Variants in SKAP1 observed in about 807,000 individuals in gnomAD.
SKAP1 encodes src kinase-associated phosphoprotein 1.
SKAP1 carries 44 observed loss-of-function variants against 58.5 expected under a neutral mutation model. The ratio of observed to expected loss-of-function variants is 0.75; its 90% CI spans 0.59 to 0.97. The LOEUF is 0.97. SKAP1 is among the 50% of genes least tolerant of loss of function. The pLI, the probability that SKAP1 is intolerant of heterozygous loss-of-function variation, is 0.00. For synonymous variants in SKAP1, 127 were observed against 149.7 expected (o/e 0.85, Z 1.11); for missense variants, 390 against 435.2 (o/e 0.90, Z 0.92).
intron 1 of SKAP1, among the ~76,000 whole-genome samples, chr17:48,422,009 G>A (rs915348511): frequency 7.2e-5 from 11 of 152,156 alleles, no homozygotes; most frequent in East Asian, 5.8e-4. Flanking sequence ...CCAAGAGATC[G>A]AGACCATCCT....
intron 4 of SKAP1, among the ~76,000 whole-genome samples, chr17:48,313,324 T>C (rs2066248480): frequency 6.6e-6 from 1 of 152,156 alleles, no homozygotes; most frequent in African/African-American, 2.4e-5. Context: ...TTGACCTAAT[T>C]ACCTGATACA....
intron 4 of SKAP1, among the ~76,000 whole-genome samples, chr17:48,297,674 C>T (rs548236773): frequency 2.6e-5 from 4 of 152,218 alleles, no homozygotes; most frequent in Admixed American, 6.5e-5. Context: ...AAACTAAAGT[C>T]AAAACCAAGC....
At chr17:48,218,766 C>T (rs1359461427) in intron 4 of SKAP1, among the ~76,000 whole-genome samples, 7 of 152,120 alleles carry the variant, frequency 4.6e-5, no homozygotes, top group African/African-American at 1.4e-4. Context: ...AATACTTGGG[C>T]CTCTAATATC....
chr17:48,234,221 CAATT>C (rs1297895101), intron 4 of SKAP1, among the ~76,000 whole-genome samples: 1 of 152,146 alleles, frequency 6.6e-6, no homozygotes, highest in Non-Finnish European at 1.5e-5. Flanking sequence ...AAAAATAACA[CAATT>C]AACTTGATGT....
chr17:48,185,147 A>G lies in SKAP1; in HGVS notation c.443-300T>C, dbSNP rs909044841. On this transcript the variant is annotated intron_variant, in intron 6 of 12. Coordinates refer to ENST00000336915, the MANE Select transcript of SKAP1 (RefSeq NM_003726.4). Reference sequence around the variant, plus strand: ...AACAACAGAAAGAAGGAATTATTACAGCAGAGAGAGTGTGGCTGTAAATGT... The same window carrying G: ...AACAACAGAAAGAAGGAATTATTACGGCAGAGAGAGTGTGGCTGTAAATGT... The G allele has an allele frequency of 4.8e-5, 13 of 271,472 alleles. No individual in the cohort carries two copies. The Admixed American group carries it at 6.4e-4, about 13-fold the overall frequency. The allele number at this position is 271,472 out of a possible 1,614,324, so 16.8% of individuals were successfully genotyped here.
chr17:48,231,195 C>G (rs1026651449), intron 4 of SKAP1, among the ~76,000 whole-genome samples: 1 of 152,182 alleles, frequency 6.6e-6, no homozygotes, highest in Non-Finnish European at 1.5e-5. Flanking sequence ...CCTGTTTCAC[C>G]AGATATCAGA....
intron 4 of SKAP1, among the ~76,000 whole-genome samples, chr17:48,201,757 G>T (rs1438893931): frequency 1.3e-5 from 2 of 152,126 alleles, no homozygotes; most frequent in African/African-American, 4.8e-5. Context: ...AATTCTGTTT[G>T]CCTTGGACCT....
chr17:48,210,391 A>T (rs2064857798), intron 4 of SKAP1, among the ~76,000 whole-genome samples: 1 of 152,182 alleles, frequency 6.6e-6, no homozygotes, highest in Non-Finnish European at 1.5e-5. Context: ...TTCTATGAGT[A>T]GTTCTGATGC....
At chr17:48,278,262 A>G (rs1331140866) in intron 4 of SKAP1, among the ~76,000 whole-genome samples, 1 of 152,138 alleles carries the variant, frequency 6.6e-6, no homozygotes, top group East Asian at 1.9e-4. Context: ...CTCTCTTCAC[A>G]TTTGAATTTT....
chr17:48,351,274 G>C (rs573575215), intron 3 of SKAP1, among the ~76,000 whole-genome samples: 30 of 152,238 alleles, frequency 2.0e-4, no homozygotes, highest in African/African-American at 7.2e-4. Context: ...TCATGCATTA[G>C]AAAATGTACT....
chr17:48,352,016 G>A (rs1394915865), intron 3 of SKAP1, among the ~76,000 whole-genome samples: 1 of 150,368 alleles, frequency 6.7e-6, no homozygotes, highest in East Asian at 1.9e-4. Context: ...GACCAGTAGG[G>A]TGAGCTGTAG....
At chr17:48,134,072 A>T (rs1243338116) in intron 12 of SKAP1, among the ~76,000 whole-genome samples, 5 of 152,064 alleles carry the variant, frequency 3.3e-5, no homozygotes, top group African/African-American at 9.7e-5. Flanking sequence ...TATTTTTTTT[A>T]AACTTACCAA....
chr17:48,231,547 A>AT (rs969012407), intron 4 of SKAP1, among the ~76,000 whole-genome samples: 1 of 151,140 alleles, frequency 6.6e-6, no homozygotes, highest in Non-Finnish European at 1.5e-5. Flanking sequence ...TGAGTTAATA[A>AT]AAAAAAAAGA....
intron 4 of SKAP1, among the ~76,000 whole-genome samples, chr17:48,286,960 C>T (rs748389503): frequency 6.6e-6 from 1 of 152,036 alleles, no homozygotes; most frequent in South Asian, 2.1e-4. Context: ...GCGGGGCTTG[C>T]TGGCGCACGC....
rs180974621 is a variant in SKAP1, at chr17:48,214,513, A to T, written c.281-25013T>A. On this transcript the variant is annotated intron_variant, in intron 4 of 12. Transcript: ENST00000336915. ...GGTCTCAAACTCTTGGGTTCAAGCA[A>T]TCTACCCACCTTGGCCTCCCAAGTG... 9.5e-4 allele frequency among the ~76,000 whole-genome samples: 145 copies of T among 152,180 alleles called. 1 individual carries two copies. Among genetic ancestry groups the T allele is most frequent in the African/African-American group, 2.8e-3 (115 of 41,520 alleles).
At chr17:48,211,055 C>CT (rs34879216) in intron 4 of SKAP1, among the ~76,000 whole-genome samples, 22,244 of 152,020 alleles carry the variant, frequency 0.15, 2,050 homozygotes, top group Admixed American at 0.27. Flanking sequence ...TCATGCTCCT[C>CT]TTTTTTTTCC....
intron 4 of SKAP1, among the ~76,000 whole-genome samples, chr17:48,260,992 G>A (rs995873430): frequency 1.3e-5 from 2 of 151,980 alleles, no homozygotes; most frequent in East Asian, 1.9e-4. Flanking sequence ...AATGCTGTTC[G>A]GAATCCCTGA....
intron 4 of SKAP1, among the ~76,000 whole-genome samples, chr17:48,227,956 A>G (rs2065087294): frequency 1.3e-5 from 2 of 152,216 alleles, no homozygotes; most frequent in Non-Finnish European, 2.9e-5. Context: ...GGTTAAATAA[A>G]TAAAAATATT....
chr17:48,424,930 CAA>C (rs11430293), intron 1 of SKAP1, among the ~76,000 whole-genome samples: 12 of 84,402 alleles, frequency 1.4e-4, no homozygotes, highest in Admixed American at 1.4e-4. Flanking sequence ...GACTCTGTCT[CAA>C]AAAAAAAAAA....
Sources: allele counts gnomAD v4.1 joint callset (sites outside exome capture counted in the v4.1 genomes callset), GRCh38; gene constraint gnomAD v4.1.1; transcripts MANE v1.5; gene names NCBI Gene and HGNC (gene_info 2026-07-23, HGNC 2026-07-21).